The following PRKCE variants were observed in gnomAD, a reference collection of about 807,000 sequenced individuals.
PRKCE encodes the protein protein kinase C epsilon type.
Under a neutral mutation model 85.4 loss-of-function variants are expected in PRKCE, and 16 were observed. That is an observed-to-expected ratio of 0.19 (90% CI 0.13 to 0.28). The LOEUF is 0.28. Ranked by LOEUF, PRKCE falls within the 10% of genes least tolerant of loss-of-function variation. The pLI is 1.00. For missense variants in PRKCE, 573 were observed against 975.2 expected (o/e 0.59, Z 5.49); for synonymous variants, 388 against 371.5 (o/e 1.04, Z -0.51).
chr2:45,814,404 T>A lies in PRKCE; in HGVS notation c.349-28596T>A, dbSNP rs547563288. ...GCTCCCTGCCTGGAAGGCAGTGGTT[T>A]GCTGATTGCAGCTGGAGGTCAGAGC... On this transcript the variant is annotated intron_variant, in intron 1 of 14. Transcript: ENST00000306156. Among the ~76,000 whole-genome samples, 8 of 152,350 alleles carry A rather than the reference T, an allele frequency of 5.3e-5. No individual in the cohort carries two copies. The South Asian group carries it at 1.7e-3, about 32-fold the overall frequency.
At chr2:46,029,410 A>C (rs1170776238) in intron 10 of PRKCE, among the ~76,000 whole-genome samples, 1 of 152,148 alleles carries the variant, frequency 6.6e-6, no homozygotes, top group African/African-American at 2.4e-5. Context: ...GGATAAGCAC[A>C]TTGAGGTTTG....
chr2:46,041,120 G>A lies in PRKCE; in HGVS notation c.1437+30603G>A, dbSNP rs1220601224. Among the ~76,000 whole-genome samples the A allele has an allele frequency of 1.3e-5, 2 of 152,110 alleles. No individual in the cohort carries two copies. The highest frequency in any genetic ancestry group is 4.8e-5 in the African/African-American group (2 of 41,416). ...TCATTTCATAAGTAGGTTTGGATTC[G>A]GCAGGTCTTCAAGTTCACAGCAGGG... On this transcript the variant is annotated intron_variant, in intron 10 of 14. Transcript: ENST00000306156. This position sits in a 1 kb window ranked among gnomAD's most constrained non-coding sequence, Gnocchi z 5.5.
chr2:45,938,064 T>C (rs1699606338), intron 2 of PRKCE, among the ~76,000 whole-genome samples: 1 of 152,226 alleles, frequency 6.6e-6, no homozygotes, highest in African/African-American at 2.4e-5. Flanking sequence ...CTTCGGCCTC[T>C]TCTTGTTCTC....
At chr2:45,663,297 A>G (rs1675760375) in intron 1 of PRKCE, among the ~76,000 whole-genome samples, 1 of 152,244 alleles carries the variant, frequency 6.6e-6, no homozygotes, top group African/African-American at 2.4e-5. Context: ...GGATATTCTC[A>G]AGTGGGCCAT....
In PRKCE at chr2:46,104,298, T is replaced by TTTTTTTTTG. The variant is rs1553348328; in HGVS notation, c.1592+17944_1592+17945insGTTTTTTTT. ...ATCTTGAAACCCTTCACCTTGTACT[T>TTTTTTTTTG]TTTTTTTTTTTTTTTTGCCATATCT... On this transcript the variant is annotated intron_variant, in intron 11 of 14. Transcript: ENST00000306156. Among the ~76,000 whole-genome samples, 3 of 143,640 alleles carry TTTTTTTTTG rather than the reference T, an allele frequency of 2.1e-5. No homozygotes were observed. In the East Asian group the frequency reaches 6.3e-4, roughly 30 times the overall value. The allele number at this position is 143,640 out of a possible 152,430, so 94.2% of individuals were successfully genotyped here. A position where few individuals can be genotyped will look rare whatever the true frequency, so the allele number is the denominator to read the frequency against.
At chr2:46,170,254 C>T (rs13019871) in intron 14 of PRKCE, among the ~76,000 whole-genome samples, 8,523 of 152,248 alleles carry the variant, frequency 0.056, 259 homozygotes, top group Middle Eastern at 0.15. Context: ...AGATTAGATT[C>T]GTCTTTTCTA....
intron 1 of PRKCE, among the ~76,000 whole-genome samples, chr2:45,781,183 TA>T (rs374687678): frequency 0.013 from 1,724 of 129,592 alleles, 39 homozygotes; most frequent in East Asian, 0.083. Flanking sequence ...AAAATAATAA[TA>T]AAAAAAAAAG....
chr2:45,864,181 G>A (rs890945560), intron 2 of PRKCE, among the ~76,000 whole-genome samples: 1 of 152,150 alleles, frequency 6.6e-6, no homozygotes, highest in African/African-American at 2.4e-5. Context: ...GCTCCCCACA[G>A]CAGAATGGAT....
At chr2:45,955,484 G>A (rs1369452941) in intron 2 of PRKCE, among the ~76,000 whole-genome samples, 1 of 152,172 alleles carries the variant, frequency 6.6e-6, no homozygotes, top group African/African-American at 2.4e-5. Context: ...TATGTTTATA[G>A]TCTCTTCTGC....
At chr2:45,988,004 C>A (rs138553817) in intron 6 of PRKCE, among the ~76,000 whole-genome samples, 2 of 152,186 alleles carry the variant, frequency 1.3e-5, no homozygotes, top group Admixed American at 6.5e-5. Flanking sequence ...CAAGCATCCC[C>A]GAGCAAGTCC....
chr2:45,958,188 C>T (rs1364229624), intron 2 of PRKCE, among the ~76,000 whole-genome samples: 3 of 61,262 alleles, frequency 4.9e-5, no homozygotes, highest in African/African-American at 1.5e-4. Context: ...CTATTAGGCC[C>T]GCAAAAAAAA....
In PRKCE at chr2:46,168,903, A is replaced by G. The variant is rs544705916; in HGVS notation, c.2067+9151A>G. ...GTGGGTCTGCACTGCTGGATAAGCA[A>G]TGCCCTCCTGCCTATCTCTGCGGAG... On this transcript the variant is annotated intron_variant, in intron 14 of 14. Transcript: ENST00000306156. Among the ~76,000 whole-genome samples, 5 of 152,268 alleles carry G rather than the reference A, an allele frequency of 3.3e-5. No homozygotes were observed. In the South Asian group the frequency reaches 8.3e-4, roughly 25 times the overall value.
chr2:45,837,460 C>A (rs1690973788), intron 1 of PRKCE, among the ~76,000 whole-genome samples: 3 of 152,148 alleles, frequency 2.0e-5, no homozygotes, highest in Admixed American at 2.0e-4. Flanking sequence ...TTTCACCATA[C>A]TGGCCAGGGT....
At chr2:45,779,340 A>G (rs1311843787) in intron 1 of PRKCE, among the ~76,000 whole-genome samples, 1 of 152,124 alleles carries the variant, frequency 6.6e-6, no homozygotes, top group Non-Finnish European at 1.5e-5. Context: ...CTAGGATTCG[A>G]AAGGTGGCAT....
At chr2:45,957,341 A>G (rs529339401) in intron 2 of PRKCE, among the ~76,000 whole-genome samples, 3 of 152,348 alleles carry the variant, frequency 2.0e-5, no homozygotes, top group South Asian at 2.1e-4. Context: ...TGGACATTCA[A>G]TTGTCCAAGC....
intron 1 of PRKCE, among the ~76,000 whole-genome samples, chr2:45,830,679 A>G (rs532378554): frequency 5.6e-4 from 32 of 56,838 alleles, no homozygotes; most frequent in African/African-American, 3.5e-3. Context: ...GGCATTTTAG[A>G]ATACTAGGAT....
At chr2:46,026,168 G>A (rs1421269944) in intron 10 of PRKCE, among the ~76,000 whole-genome samples, 1 of 152,212 alleles carries the variant, frequency 6.6e-6, no homozygotes, top group African/African-American at 2.4e-5. Flanking sequence ...GGTAGGAAAT[G>A]GTACTAACAG....
intron 9 of PRKCE, among the ~76,000 whole-genome samples, chr2:46,008,505 A>C (rs1352406420): frequency 6.6e-6 from 1 of 152,104 alleles, no homozygotes; most frequent in East Asian, 1.9e-4. Flanking sequence ...GGACCCCCTG[A>C]GAAGTTCTGG....
intron 2 of PRKCE, among the ~76,000 whole-genome samples, chr2:45,921,984 T>A (rs1468543438): frequency 6.6e-6 from 1 of 152,176 alleles, no homozygotes; most frequent in Non-Finnish European, 1.5e-5. Flanking sequence ...GAAAATGAAC[T>A]AAGGCTCAAA....
Sources: gnomAD v4.1 joint callset for allele counts (sites outside exome capture counted in the v4.1 genomes callset) on GRCh38, gnomAD v4.1.1 for gene constraint, Gnocchi (gnomAD v3.1) non-coding constraint, MANE v1.5 for transcripts, NCBI Gene and HGNC (gene_info 2026-07-23, HGNC 2026-07-21) for gene names.